The following GRIN1 variants were observed in gnomAD, a reference collection of about 807,000 sequenced individuals.
The protein encoded by GRIN1 is glutamate ionotropic receptor NMDA type subunit 1.
A neutral mutation model predicts 103.0 loss-of-function variants in GRIN1; 38 were observed. The ratio of observed to expected loss-of-function variants is 0.37; its 90% CI spans 0.28 to 0.48. GRIN1 has a LOEUF of 0.48. Among genes scored for constraint, GRIN1 ranks in the 20% least tolerant of loss-of-function variants. The pLI, the probability that GRIN1 is intolerant of heterozygous loss-of-function variation, is 0.98. For missense variants in GRIN1, 577 were observed against 1,288.9 expected (o/e 0.45, Z 8.46); for synonymous variants, 544 against 532.7 (o/e 1.02, Z -0.29).
intron 4 of GRIN1, among the ~76,000 whole-genome samples, chr9:137,154,609 A>G (rs1362465501): frequency 1.4e-5 from 2 of 147,156 alleles, no homozygotes; most frequent in Admixed American, 6.8e-5. Flanking sequence ...ATGCGCCACC[A>G]CCCCGGCTAA....
rs893141433 is a variant in GRIN1, at chr9:137,156,731, A to T, written c.734A>T (p.Tyr245Phe). 2 of 1,590,342 alleles carry T rather than the reference A, an allele frequency of 1.3e-6. No homozygotes were observed. Among genetic ancestry groups the T allele is most frequent in the Non-Finnish European group, 1.7e-6 (2 of 1,169,394 alleles). The change falls in exon 5 of 20, where the codon TAC (tyrosine) becomes TTC (phenylalanine). Residue 245 changes from tyrosine to phenylalanine, a missense_variant. Physicochemically the swap from Tyr to Phe is conservative, Grantham distance 22. Transcript: ENST00000371561. ...ATGCTGAACATGACGGGCTCCGGGT[A>T]CGTGTGGCTGGTCGGCGAGCGCGAG... is the stretch of plus-strand genomic sequence containing the variant. ...AAMLNMTGSG[Y>F]VWLVGEREIS...
chr9:137,154,359 A>G lies in GRIN1; in HGVS notation c.672-2310A>G, dbSNP rs990365030. Among the ~76,000 whole-genome samples, 3 of 148,410 alleles carry G rather than the reference A, an allele frequency of 2.0e-5. No individual in the cohort carries two copies. The South Asian group carries it at 6.4e-4, about 32-fold the overall frequency. ...AGGCTGGTCTCGAACTCCTGGCCTC[A>G]AGTGATCCACCCACCTCGGCCTCCC... On this transcript the variant is annotated intron_variant, in intron 4 of 19. Transcript: ENST00000371561.
chr9:137,154,602 C>G (rs975778116), intron 4 of GRIN1, among the ~76,000 whole-genome samples: 4 of 151,550 alleles, frequency 2.6e-5, no homozygotes, highest in African/African-American at 9.7e-5. Flanking sequence ...TACAGGCATG[C>G]GCCACCACCC....
chr9:137,157,346 C>A (rs1427705014), intron 6 of GRIN1, among the ~76,000 whole-genome samples: 1 of 152,180 alleles, frequency 6.6e-6, no homozygotes, highest in East Asian at 1.9e-4. Flanking sequence ...TCTCCTCTCC[C>A]CCCACACCCC....
chr9:137,145,999 C>A, intron 3 of GRIN1, 97 bp downstream of exon 3: 1 of 897,546 alleles, frequency 1.1e-6, no homozygotes, highest in Non-Finnish European at 1.7e-6. Context: ...CTCTTCTTTC[C>A]ATCGTGCATG....
chr9:137,141,707 G>A (rs1035291951), intron 1 of GRIN1, among the ~76,000 whole-genome samples: 1 of 152,124 alleles, frequency 6.6e-6, no homozygotes, highest in South Asian at 2.1e-4. Context: ...TCCACCTTGG[G>A]TGCGTCCCGT....
chr9:137,154,135 G>T (rs868172071), intron 4 of GRIN1, among the ~76,000 whole-genome samples: 4,436 of 101,572 alleles, frequency 0.044, 83 homozygotes, highest in Middle Eastern at 0.12. Context: ...TTTTTTTTGT[G>T]TGTGTGTGTG....
At position 137,163,898 on chromosome 9, in the gene GRIN1, C is replaced by T. The variant is rs886758694; in HGVS notation, c.2583C>T (p.Asn861=). Residue 861 remains asparagine (N), a synonymous_variant, in exon 18 of 20, where the codon AAC becomes AAT. Coordinates refer to ENST00000371561, the MANE Select transcript of GRIN1 (RefSeq NM_007327.4). ...AFAAVNVWRK[N]LQDRKSGRAE... ...CCGCCGTTAACGTGTGGCGGAAGAA[C>T]CTGCAGGTAGGGCAGGCCACCCTCC... 4 of 1,612,592 alleles carry T rather than the reference C, an allele frequency of 2.5e-6. No homozygotes were observed. The highest frequency in any genetic ancestry group is 3.4e-6 in the Non-Finnish European group (4 of 1,179,848).
At position 137,163,154 on chromosome 9, in the gene GRIN1, C is replaced by G. The variant is rs770015625; in HGVS notation, c.2172-15C>G. ...GGCAGGACCAAGGCCCCCGTGACTC[C>G]GCCTCTGCCGGCAGCAAGCTGCATG... On this transcript the variant is annotated splice_polypyrimidine_tract_variant and intron_variant, in intron 15 of 19. Transcript: ENST00000371561. 6 of 1,612,014 alleles carry G rather than the reference C, an allele frequency of 3.7e-6. No individual in the cohort carries two copies. The Admixed American group carries it at 1.0e-4, about 27-fold the overall frequency.
chr9:137,159,264 C>T (rs1414148268), intron 8 of GRIN1, among the ~76,000 whole-genome samples: 2 of 152,186 alleles, frequency 1.3e-5, no homozygotes, highest in African/African-American at 4.8e-5. Context: ...CGGGCAGAGC[C>T]ACACTACCCC....
chr9:137,159,204 A>T (rs994924862), intron 8 of GRIN1, among the ~76,000 whole-genome samples: 1 of 151,840 alleles, frequency 6.6e-6, no homozygotes, highest in Admixed American at 6.6e-5. Context: ...CCTCCAGAAC[A>T]TCTTTCCCTT....
chr9:137,167,562 G>GCAGA lies in GRIN1; in HGVS notation c.*49_*52dup, dbSNP rs757880523. ...CCCGCCCTCCTCTGCCCCCTCCCCC[G>GCAGA]CAGACAGACAGACAGACGGACGGGA... On this transcript the variant is annotated 3_prime_UTR_variant, in exon 20 of 20. Transcript: ENST00000371561. The GCAGA allele has an allele frequency of 3.9e-5, 30 of 776,982 alleles. No homozygotes were observed. The highest frequency in any genetic ancestry group is 5.2e-5 in the Non-Finnish European group (27 of 514,320). 48.1% of individuals were successfully genotyped at this position (776,982 alleles called of 1,614,324 possible).
At chr9:137,142,190 A>G (rs1203028509) in intron 2 of GRIN1, 43 bp downstream of exon 2, 4 of 1,610,176 alleles carry the variant, frequency 2.5e-6, no homozygotes, top group Non-Finnish European at 3.4e-6. Flanking sequence ...CCTCGGCCCC[A>G]GGGCACAGCC....
At chr9:137,160,327 G>C (rs1037617359) in intron 8 of GRIN1, among the ~76,000 whole-genome samples, 5 of 152,174 alleles carry the variant, frequency 3.3e-5, no homozygotes, top group African/African-American at 9.7e-5. Context: ...CCCTGTCCTC[G>C]TGGCACAGCA....
rs1396405130 is a variant in GRIN1 at position 137,146,574 on chromosome 9, G to A, written c.570+672G>A. 6.6e-6 allele frequency among the ~76,000 whole-genome samples: 1 copy of A among 152,176 alleles called. No individual in the cohort carries two copies. Among genetic ancestry groups the A allele is most frequent in the African/African-American group, 2.4e-5 (1 of 41,450 alleles). On this transcript the variant is annotated intron_variant, in intron 3 of 19. Coordinates refer to ENST00000371561, the MANE Select transcript of GRIN1 (RefSeq NM_007327.4). This position sits in a 1 kb window ranked among gnomAD's most constrained non-coding sequence, Gnocchi z 6.7. ...CAACACAGCCAGGCGTCCACTCTGT[G>A]GGGCTGCAGAGAGATCAGAGCTGGG...
At chr9:137,143,575 G>T (rs1832293694) in intron 2 of GRIN1, among the ~76,000 whole-genome samples, 1 of 152,236 alleles carries the variant, frequency 6.6e-6, no homozygotes, top group African/African-American at 2.4e-5. Flanking sequence ...AAAGGGAGGG[G>T]GCACAGCTCA....
rs758241126 is a variant in GRIN1 at position 137,158,432 on chromosome 9, A to G, written c.1022A>G (p.Asn341Ser). The G allele has an allele frequency of 5.6e-6, 9 of 1,613,566 alleles. No individual in the cohort carries two copies. Among genetic ancestry groups the G allele is most frequent in the African/African-American group, 1.3e-5 (1 of 75,018 alleles). ...ADGVTGRVEF[N>S]EDGDRKFANY... ...GGGGTGACTGGTCGCGTGGAGTTCA[A>G]TGAGGATGGGGACCGGAAGTTCGCC... The change falls in exon 7 of 20, where the codon AAT becomes AGT. Residue 341 changes from asparagine (N) to serine (S), a missense_variant. Asn to Ser is a conservative substitution (Grantham distance 46, BLOSUM62 1). Transcript: ENST00000371561.
At chr9:137,148,253 G>A (rs1397078764) in intron 3 of GRIN1, 12 of 1,433,796 alleles carry the variant, frequency 8.4e-6, no homozygotes, top group East Asian at 2.5e-5. Flanking sequence ...CACGGCTAGG[G>A]AGCCCTGGCC....
chr9:137,158,621 G>C lies in GRIN1; in HGVS notation c.1114G>C (p.Val372Leu). The C allele has an allele frequency of 6.2e-6, 10 of 1,612,684 alleles. No individual in the cohort carries two copies. The highest frequency in any genetic ancestry group is 7.6e-6 in the Non-Finnish European group (9 of 1,179,824). The change falls in exon 8 of 20, where the codon GTC (valine) becomes CTC (leucine). Residue 372 changes from valine (V) to leucine (L), a missense_variant and splice_region_variant. This residue lies in a region of GRIN1 where 308 missense variants were observed against 553.6 expected (regional missense o/e 0.56). Transcript: ENST00000371561. The stretch of plus-strand genomic sequence containing the variant: ...CTCCATCTCATACTCCCACCCCCAG[G>C]TCATCCCTAATGACAGGAAGATCAT... ...VQVGIYNGTH[V>L]IPNDRKIIWP...
Sources: allele counts gnomAD v4.1 joint callset (sites outside exome capture counted in the v4.1 genomes callset), GRCh38; gene constraint gnomAD v4.1.1; regional missense constraint gnomAD v4.1.1; non-coding constraint Gnocchi (gnomAD v3.1); transcripts MANE v1.5; gene names NCBI Gene and HGNC (gene_info 2026-07-23, HGNC 2026-07-21).